DGKI: variants seen among roughly 807,000 people sequenced by gnomAD.
DGKI encodes the protein DAG kinase iota.
Under a neutral mutation model 147.5 loss-of-function variants are expected in DGKI, and 55 were observed. That is an observed-to-expected ratio of 0.37 (90% confidence interval 0.30 to 0.47). The LOEUF (loss-of-function observed/expected upper bound fraction) is 0.47, where lower values mean the gene tolerates loss of function less well. Ranked by LOEUF, DGKI falls within the 20% of genes least tolerant of loss-of-function variation. The probability of loss-of-function intolerance (pLI) is 1.00; values close to 1 mark genes in which losing one functional copy is unlikely to be tolerated. For missense variants in DGKI, 1,007 were observed against 1,323.8 expected (o/e 0.76, Z 3.71); for synonymous variants, 469 against 477.1 (o/e 0.98, Z 0.22).
Position 137,747,430 on chromosome 7 carries a change from A to T in DGKI, c.402-57428T>A, listed in dbSNP as rs143202406. ...AAGGCCGATTCACACTTCAGCTATA[A>T]CAGAAAATACCCTCTCCATAGGGCA... On this transcript the variant is annotated intron_variant, in intron 1 of 32. Coordinates refer to ENST00000614521, the MANE Select transcript of DGKI (RefSeq NM_001321708.2). Among the ~76,000 whole-genome samples the T allele has an allele frequency of 7.4e-4, 113 of 152,292 alleles. 1 individual carries two copies. In the East Asian group the frequency reaches 0.011, roughly 15 times the overall value.
chr7:137,391,965 A>G lies in DGKI; in HGVS notation c.3058-629T>C, dbSNP rs190680126. On this transcript the variant is annotated intron_variant, in intron 32 of 32. Transcript: ENST00000614521. ...GAAAGCTTGAAAAGCACAAAGAAGA[A>G]AAGGAATATCCCTAATCATTCCACC... Among the ~76,000 whole-genome samples, 17 of 152,266 alleles carry G rather than the reference A, an allele frequency of 1.1e-4. No homozygotes were observed. The East Asian group carries it at 3.1e-3, about 28-fold the overall frequency.
chr7:137,720,637 T>C (rs33916081), intron 1 of DGKI, among the ~76,000 whole-genome samples: 69,875 of 151,960 alleles, frequency 0.46, 17,707 homozygotes, highest in African/African-American at 0.68. Flanking sequence ...CAAAGCCCCA[T>C]ATTTATTACC....
chr7:137,705,500 C>A (rs999419406), intron 1 of DGKI, among the ~76,000 whole-genome samples: 2 of 151,978 alleles, frequency 1.3e-5, no homozygotes, highest in African/African-American at 4.8e-5. Flanking sequence ...ATGTATTATA[C>A]ATAAAGTTAT....
At chr7:137,776,333 G>A in intron 1 of DGKI, among the ~76,000 whole-genome samples, 1 of 152,156 alleles carries the variant, frequency 6.6e-6, no homozygotes, top group Non-Finnish European at 1.5e-5. Flanking sequence ...TAAATGCTTT[G>A]AAAATTATTG....
chr7:137,606,059 A>G (rs1820174439), intron 10 of DGKI, among the ~76,000 whole-genome samples: 1 of 152,252 alleles, frequency 6.6e-6, no homozygotes, highest in Non-Finnish European at 1.5e-5. Context: ...TCAAAATAGC[A>G]TATGTACTCC....
At chr7:137,635,956 C>T (rs1048304452) in intron 6 of DGKI, among the ~76,000 whole-genome samples, 21 of 152,154 alleles carry the variant, frequency 1.4e-4, no homozygotes, top group African/African-American at 5.1e-4. Context: ...AGCTCTTAAA[C>T]TTTAAGCTAC....
intron 28 of DGKI, among the ~76,000 whole-genome samples, chr7:137,415,314 T>C (rs1812318176): frequency 6.6e-6 from 1 of 152,196 alleles, no homozygotes. Context: ...ATTTTAAAAA[T>C]ACAGTATAAC....
At chr7:137,481,697 T>A (rs1413669722) in intron 23 of DGKI, among the ~76,000 whole-genome samples, 1 of 152,226 alleles carries the variant, frequency 6.6e-6, no homozygotes, top group East Asian at 1.9e-4. Context: ...ACCAAAGCAA[T>A]GAAATGCTTA....
Position 137,420,852 on chromosome 7 carries a change from C to T in DGKI, c.2762-8645G>A, listed in dbSNP as rs141104048. ...TGGCCAACGTGGTACAAACTTGTCT[C>T]TGCTAAAAATACAAAAATTAGCTGG... On this transcript the variant is annotated intron_variant, in intron 28 of 32. Transcript: ENST00000614521. Among the ~76,000 whole-genome samples, 1,307 of 152,198 alleles carry T rather than the reference C, an allele frequency of 8.6e-3. 10 individuals are homozygous for T. The highest frequency in any genetic ancestry group is 0.017 in the Middle Eastern group (5 of 294).
chr7:137,502,293 A>C (rs73730637), intron 21 of DGKI, among the ~76,000 whole-genome samples: 4,754 of 152,288 alleles, frequency 0.031, 249 homozygotes, highest in African/African-American at 0.11. Flanking sequence ...TGGAAAAGCC[A>C]GATAAGCCAG....
chr7:137,395,543 C>G (rs1248242195), intron 32 of DGKI, 55 bp downstream of exon 32: 3 of 1,535,286 alleles, frequency 2.0e-6, no homozygotes, highest in Non-Finnish European at 2.7e-6. Flanking sequence ...GCAAAGGCAA[C>G]AGCGCCTGCG....
At chr7:137,756,763 C>T (rs765654706) in intron 1 of DGKI, among the ~76,000 whole-genome samples, 2 of 152,136 alleles carry the variant, frequency 1.3e-5, no homozygotes, top group Non-Finnish European at 2.9e-5. Context: ...TCAGAGACTA[C>T]ATTGTGTAGA....
intron 8 of DGKI, among the ~76,000 whole-genome samples, chr7:137,612,308 T>C (rs913953469): frequency 6.0e-5 from 9 of 150,734 alleles, no homozygotes; most frequent in South Asian, 4.2e-4. Flanking sequence ...TGAGGCCTTC[T>C]TCACTTCACA....
intron 1 of DGKI, among the ~76,000 whole-genome samples, chr7:137,808,514 A>C (rs969150236): frequency 9.2e-5 from 14 of 152,210 alleles, no homozygotes; most frequent in African/African-American, 3.4e-4. Context: ...GCTATGCACC[A>C]AACTCGGTTC....
chr7:137,430,481 C>G lies in DGKI; in HGVS notation c.2761+13596G>C, dbSNP rs555150837. 2.0e-5 allele frequency among the ~76,000 whole-genome samples: 3 copies of G among 151,476 alleles called. No individual in the cohort carries two copies. In the South Asian group the frequency reaches 6.3e-4, roughly 32 times the overall value. Reference sequence around the variant, plus strand: ...ATGACGTGTTAATGGGTGCAGCACACCAGCATGGCACATGTATACATATGT... The same window carrying G: ...ATGACGTGTTAATGGGTGCAGCACAGCAGCATGGCACATGTATACATATGT... On this transcript the variant is annotated intron_variant, in intron 28 of 32. Coordinates refer to ENST00000614521, the MANE Select transcript of DGKI (RefSeq NM_001321708.2).
chr7:137,578,381 A>G, intron 15 of DGKI, 56 bp from the exon 16 acceptor site: 1 of 1,257,238 alleles, frequency 8.0e-7, no homozygotes. Context: ...GTAGCGACTT[A>G]GATTAGCACT....
intron 1 of DGKI, among the ~76,000 whole-genome samples, chr7:137,767,541 G>GAAGA: frequency 1.1e-5 from 1 of 91,652 alleles, no homozygotes; most frequent in African/African-American, 4.8e-5. Context: ...AGTAGAGTAG[G>GAAGA]AGGAAGAGGA....
At chr7:137,468,209 T>C (rs1814736833) in intron 24 of DGKI, among the ~76,000 whole-genome samples, 2 of 152,178 alleles carry the variant, frequency 1.3e-5, no homozygotes, top group South Asian at 2.1e-4. Context: ...ACCCCTGCTG[T>C]CTAAAACCTA....
At chr7:137,622,232 C>T (rs1250102815) in intron 7 of DGKI, among the ~76,000 whole-genome samples, 1 of 151,982 alleles carries the variant, frequency 6.6e-6, no homozygotes, top group Non-Finnish European at 1.5e-5. Context: ...TATGGAACTG[C>T]CAAAATATAA....
Sources: gnomAD v4.1 joint callset for allele counts (sites outside exome capture counted in the v4.1 genomes callset) on GRCh38, gnomAD v4.1.1 for gene constraint, MANE v1.5 for transcripts, NCBI Gene and HGNC (gene_info 2026-07-23, HGNC 2026-07-21) for gene names.